ST6GALNAC3: variants seen among roughly 807,000 people sequenced by gnomAD.
The protein encoded by ST6GALNAC3 is ST6 N-acetylgalactosaminide alpha-2,6-sialyltransferase 3.
Under a neutral mutation model 32.7 loss-of-function variants are expected in ST6GALNAC3, and 25 were observed. The ratio of observed to expected loss-of-function variants is 0.76; its 90% confidence interval spans 0.56 to 1.07. The LOEUF is 1.07. Ranked by LOEUF, ST6GALNAC3 falls within the 50% of genes least tolerant of loss-of-function variation. The pLI is 0.00. For synonymous variants in ST6GALNAC3, 129 were observed against 133.1 expected (o/e 0.97, Z 0.21); for missense variants, 355 against 382.4 (o/e 0.93, Z 0.60).
intron 3 of ST6GALNAC3, among the ~76,000 whole-genome samples, chr1:76,520,857 T>C (rs1357238876): frequency 6.6e-6 from 1 of 152,204 alleles, no homozygotes; most frequent in Non-Finnish European, 1.5e-5. Context: ...TACACACATA[T>C]AAATTTTAAA....
chr1:76,234,630 T>C (rs1026306710), intron 1 of ST6GALNAC3, among the ~76,000 whole-genome samples: 1 of 152,216 alleles, frequency 6.6e-6, no homozygotes, highest in Non-Finnish European at 1.5e-5. Context: ...AATTTCTCCA[T>C]GTAGCAATTC....
intron 2 of ST6GALNAC3, among the ~76,000 whole-genome samples, chr1:76,403,130 G>A (rs773822410): frequency 5.9e-5 from 9 of 151,988 alleles, no homozygotes; most frequent in Non-Finnish European, 1.2e-4. Context: ...AATCCCACAT[G>A]AAAATTAAGA....
intron 1 of ST6GALNAC3, among the ~76,000 whole-genome samples, chr1:76,114,917 CAAAA>C (rs542571151): frequency 2.5e-5 from 2 of 78,978 alleles, no homozygotes; most frequent in Non-Finnish European, 2.6e-5. Context: ...GACCTTGTCT[CAAAA>C]AAAAAAAAAA....
intron 3 of ST6GALNAC3, among the ~76,000 whole-genome samples, chr1:76,593,863 C>T (rs868836872): frequency 1.3e-5 from 2 of 151,948 alleles, no homozygotes; most frequent in South Asian, 2.1e-4. Flanking sequence ...ACTGATGTGG[C>T]GATCATAGGA....
At chr1:76,109,883 A>G (rs1041804087) in intron 1 of ST6GALNAC3, among the ~76,000 whole-genome samples, 14 of 152,210 alleles carry the variant, frequency 9.2e-5, no homozygotes, top group African/African-American at 3.4e-4. Context: ...TTGCCCTTCT[A>G]TTGTTTCTTC....
chr1:76,307,149 T>C (rs1281564969), intron 1 of ST6GALNAC3, among the ~76,000 whole-genome samples: 3 of 152,204 alleles, frequency 2.0e-5, no homozygotes, highest in African/African-American at 4.8e-5. Context: ...ATAAATTTCA[T>C]CCAAAGGGTT....
chr1:76,371,042 T>C (rs888993414), intron 2 of ST6GALNAC3, among the ~76,000 whole-genome samples: 2 of 152,180 alleles, frequency 1.3e-5, no homozygotes, highest in African/African-American at 4.8e-5. Flanking sequence ...TTCCATTAAG[T>C]CAGAAATTCC....
Position 76,521,330 on chromosome 1 carries a change from TAC to T in ST6GALNAC3, c.624-106108_624-106107del, listed in dbSNP as rs964865811. Among the ~76,000 whole-genome samples the T allele has an allele frequency of 2.5e-3, 369 of 150,576 alleles. 2 individuals are homozygous for T. The highest frequency in any genetic ancestry group is 8.2e-3 in the African/African-American group (336 of 41,066). On this transcript the variant is annotated intron_variant, in intron 3 of 4. Transcript: ENST00000328299. ...ACACACGCGCGTACATACATGCATA[TAC>T]ACACACACACACAAACACACATGGA...
intron 3 of ST6GALNAC3, among the ~76,000 whole-genome samples, chr1:76,624,348 T>C (rs927018271): frequency 1.3e-5 from 2 of 151,934 alleles, no homozygotes; most frequent in Non-Finnish European, 2.9e-5. Flanking sequence ...CTTGATCTTC[T>C]TTTCCTGTGC....
intron 2 of ST6GALNAC3, among the ~76,000 whole-genome samples, chr1:76,377,864 T>A (rs560442817): frequency 3.2e-4 from 48 of 152,334 alleles, no homozygotes; most frequent in Non-Finnish European, 6.0e-4. Flanking sequence ...TGCAATCATA[T>A]AACTGAACCT....
chr1:76,227,162 C>T (rs892157617), intron 1 of ST6GALNAC3, among the ~76,000 whole-genome samples: 1 of 152,090 alleles, frequency 6.6e-6, no homozygotes, highest in Non-Finnish European at 1.5e-5. Flanking sequence ...TTAAAAAGTT[C>T]TGTACCCTGG....
At chr1:76,155,022 TA>T (rs1570227316) in intron 1 of ST6GALNAC3, among the ~76,000 whole-genome samples, 1 of 152,332 alleles carries the variant, frequency 6.6e-6, no homozygotes, top group East Asian at 1.9e-4. Flanking sequence ...CCAATCTTTT[TA>T]TTTTTTATTT....
intron 3 of ST6GALNAC3, among the ~76,000 whole-genome samples, chr1:76,616,847 A>G (rs1648326958): frequency 6.6e-6 from 1 of 152,232 alleles, no homozygotes; most frequent in South Asian, 2.1e-4. Context: ...GTATTAAGCC[A>G]AAGTCAGAAA....
intron 3 of ST6GALNAC3, among the ~76,000 whole-genome samples, chr1:76,498,207 C>T (rs997245043): frequency 6.6e-6 from 1 of 152,146 alleles, no homozygotes; most frequent in Non-Finnish European, 1.5e-5. Flanking sequence ...TGTAAAGTCC[C>T]AAGATTTAAG....
chr1:76,618,902 C>G (rs1437126508), intron 3 of ST6GALNAC3, among the ~76,000 whole-genome samples: 1 of 152,182 alleles, frequency 6.6e-6, no homozygotes, highest in Admixed American at 6.5e-5. Context: ...CATCCACAGG[C>G]AAGCTATGTT....
chr1:76,249,368 A>G (rs1315178198), intron 1 of ST6GALNAC3, among the ~76,000 whole-genome samples: 1 of 151,988 alleles, frequency 6.6e-6, no homozygotes, highest in Non-Finnish European at 1.5e-5. Flanking sequence ...TTGATTTTTT[A>G]TTTTAATTTT....
intron 1 of ST6GALNAC3, among the ~76,000 whole-genome samples, chr1:76,151,768 G>A (rs770517786): frequency 6.6e-6 from 1 of 152,190 alleles, no homozygotes; most frequent in Non-Finnish European, 1.5e-5. Context: ...GAGGGAAAAC[G>A]GGTGGGGCAT....
chr1:76,182,758 G>C (rs1177454289), intron 1 of ST6GALNAC3, among the ~76,000 whole-genome samples: 1 of 152,106 alleles, frequency 6.6e-6, no homozygotes, highest in Non-Finnish European at 1.5e-5. Flanking sequence ...ACTGGTTGAT[G>C]CTTCAGTCTG....
intron 1 of ST6GALNAC3, among the ~76,000 whole-genome samples, chr1:76,207,294 C>G (rs753969418): frequency 6.6e-6 from 1 of 152,214 alleles, no homozygotes; most frequent in East Asian, 1.9e-4. Flanking sequence ...ATGCTAGGCT[C>G]GCCTGCCTGT....
Sources: allele counts gnomAD v4.1 joint callset (sites outside exome capture counted in the v4.1 genomes callset), GRCh38; gene constraint gnomAD v4.1.1; transcripts MANE v1.5; gene names NCBI Gene and HGNC (gene_info 2026-07-23, HGNC 2026-07-21).